Variants in SH3PXD2A observed in about 807,000 individuals in gnomAD.
SH3PXD2A encodes SH3 and PX domain-containing protein 2A.
In SH3PXD2A, 32 loss-of-function variants were observed where a neutral mutation model predicts 115.2. The observed-to-expected ratio is 0.28, with a 90% CI of 0.21 to 0.37. The LOEUF (loss-of-function observed/expected upper bound fraction) is 0.37. Ranked by LOEUF, SH3PXD2A falls within the 10% of genes least tolerant of loss-of-function variation. The probability of loss-of-function intolerance (pLI) is 1.00; values close to 1 mark genes in which losing one functional copy is unlikely to be tolerated. For missense variants in SH3PXD2A, 1,328 were observed against 1,498.7 expected (o/e 0.89, Z 1.88); for synonymous variants, 610 against 629.1 (o/e 0.97, Z 0.45).
intron 8 of SH3PXD2A, among the ~76,000 whole-genome samples, chr10:103,632,092 G>A (rs947494579): frequency 6.6e-6 from 1 of 152,018 alleles, no homozygotes; most frequent in Admixed American, 6.6e-5. Flanking sequence ...GCTTGGGCAC[G>A]GGAGGTTGAG....
chr10:103,761,846 G>A (rs1031228763), intron 3 of SH3PXD2A, among the ~76,000 whole-genome samples: 1 of 152,096 alleles, frequency 6.6e-6, no homozygotes, highest in South Asian at 2.1e-4. Flanking sequence ...AAAGACATAC[G>A]GCCCCATAGG....
At chr10:103,841,792 A>T (rs1188154307) in intron 1 of SH3PXD2A, among the ~76,000 whole-genome samples, 1 of 152,018 alleles carries the variant, frequency 6.6e-6, no homozygotes, top group African/African-American at 2.4e-5. Context: ...CTCAAAAGCC[A>T]CCTCTACAGT....
At chr10:103,631,108 T>A (rs1199011019) in intron 8 of SH3PXD2A, among the ~76,000 whole-genome samples, 2 of 152,068 alleles carry the variant, frequency 1.3e-5, no homozygotes, top group African/African-American at 2.4e-5. Context: ...CTACCAAAAA[T>A]TTTAAAATTA....
rs530260433 is a variant in SH3PXD2A, at chr10:103,636,846, T to C, written c.605-9644A>G. Among the ~76,000 whole-genome samples, 20 of 152,262 alleles carry C rather than the reference T, an allele frequency of 1.3e-4. No individual in the cohort carries two copies. In the East Asian group the frequency reaches 3.9e-3, roughly 29 times the overall value. ...CCTCCCAGCCCTGTTCAGCCCAGGA[T>C]TGAGCCCAAGGATGCTTCTTAATCC... On this transcript the variant is annotated intron_variant, in intron 8 of 14. Coordinates refer to ENST00000369774, the MANE Select transcript of SH3PXD2A (RefSeq NM_001394015.1).
At chr10:103,663,229 T>A (rs1017991223) in intron 7 of SH3PXD2A, among the ~76,000 whole-genome samples, 8 of 152,244 alleles carry the variant, frequency 5.3e-5, no homozygotes, top group Admixed American at 5.2e-4. Context: ...TATAGCCACA[T>A]TCCCCACACG....
intron 3 of SH3PXD2A, among the ~76,000 whole-genome samples, chr10:103,741,006 A>G (rs116470467): frequency 0.015 from 2,246 of 152,232 alleles, 53 homozygotes; most frequent in African/African-American, 0.05. Flanking sequence ...TTTCATACCT[A>G]TTGAGTAATT....
rs145493004 is a variant in SH3PXD2A, at chr10:103,746,319, TTTTA to T, written c.230-10515_230-10512del. Among the ~76,000 whole-genome samples, 1,353 of 152,180 alleles carry T rather than the reference TTTTA, an allele frequency of 8.9e-3. 15 individuals are homozygous for T. The highest frequency in any genetic ancestry group is 0.038 in the South Asian group (183 of 4,820). ...CCAGAACCATTTCTTTCTTTTTTAT[TTTTA>T]TTTATTTATTTATTGAGACAGGGTC... On this transcript the variant is annotated intron_variant, in intron 3 of 14. Transcript: ENST00000369774. This position sits in a 1 kb window ranked among gnomAD's most constrained non-coding sequence, Gnocchi z 4.4.
At chr10:103,717,292 G>A (rs533961218) in intron 5 of SH3PXD2A, among the ~76,000 whole-genome samples, 1 of 152,294 alleles carries the variant, frequency 6.6e-6, no homozygotes, top group African/African-American at 2.4e-5. Flanking sequence ...CACTTACTAG[G>A]TGCCAGGTCC....
chr10:103,613,403 C>A lies in SH3PXD2A; in HGVS notation c.921-213G>T, dbSNP rs2036460921. ...TTCCCACTGCCCCCCCACCATGCTC[C>A]TTTTTCTTTGCCTGATCCCTCTTGG... On this transcript the variant is annotated intron_variant, in intron 11 of 14. Coordinates refer to ENST00000369774, the MANE Select transcript of SH3PXD2A (RefSeq NM_001394015.1). Among the ~76,000 whole-genome samples, 5 of 152,232 alleles carry A rather than the reference C, an allele frequency of 3.3e-5. No individual in the cohort carries two copies. In the South Asian group the frequency reaches 1.0e-3, roughly 32 times the overall value.
intron 13 of SH3PXD2A, 88 bp from the exon 14 acceptor site, chr10:103,606,005 G>C: frequency 7.0e-7 from 1 of 1,418,684 alleles, no homozygotes; most frequent in South Asian, 1.3e-5. Context: ...AGTCCCCAGG[G>C]GGTGCGGATG....
intron 4 of SH3PXD2A, among the ~76,000 whole-genome samples, chr10:103,733,762 ATTTAT>A (rs1201967723): frequency 5.3e-5 from 8 of 152,024 alleles, no homozygotes; most frequent in South Asian, 2.1e-4. Flanking sequence ...AACATTTTTT[ATTTAT>A]TTTATTTTAT....
At position 103,603,613 on chromosome 10, in the gene SH3PXD2A, C is replaced by T. The variant is rs1383030240; in HGVS notation, c.1605G>A (p.Glu535=). The change falls in exon 15 of 15, where the codon GAG becomes GAA. Residue 535 remains glutamate (E), a synonymous_variant. Transcript: ENST00000369774. ...TCTCACTGGCCCCCGTAGGGCCCTC[C>T]TCGGCCTCCTTGGGCTTGCTGGGGG... ...PAPPSKPKEA[E]EGPTGASESQ... 2 of 1,604,312 alleles carry T rather than the reference C, an allele frequency of 1.2e-6. No homozygotes were observed. The highest frequency in any genetic ancestry group is 2.7e-5 in the African/African-American group (2 of 74,714).
At chr10:103,750,153 G>A (rs2038558211) in intron 3 of SH3PXD2A, among the ~76,000 whole-genome samples, 1 of 152,180 alleles carries the variant, frequency 6.6e-6, no homozygotes, top group African/African-American at 2.4e-5. Context: ...CCGAGCCTAA[G>A]TGATCCTCCC....
At chr10:103,854,459 C>G (rs971106809) in intron 1 of SH3PXD2A, among the ~76,000 whole-genome samples, 4 of 152,128 alleles carry the variant, frequency 2.6e-5, no homozygotes, top group African/African-American at 9.7e-5. Flanking sequence ...CAACCTTAAC[C>G]CCTTCTCATT....
intron 1 of SH3PXD2A, among the ~76,000 whole-genome samples, chr10:103,841,491 A>G (rs2134317769): frequency 6.6e-6 from 1 of 152,276 alleles, no homozygotes; most frequent in Non-Finnish European, 1.5e-5. Context: ...GTCAAACCCC[A>G]AGCAGTCCTT....
chr10:103,606,640 G>A (rs1406602009), intron 13 of SH3PXD2A, among the ~76,000 whole-genome samples: 2 of 151,886 alleles, frequency 1.3e-5, no homozygotes, highest in Admixed American at 6.6e-5. Flanking sequence ...GATTGCAGGC[G>A]CGCGCCGCCA....
In SH3PXD2A at chr10:103,855,324, C is replaced by T. The variant is rs1842930997; in HGVS notation, c.-58G>A. The T allele has an allele frequency of 1.2e-5, 17 of 1,365,270 alleles. No individual in the cohort carries two copies. Among genetic ancestry groups the T allele is most frequent in the Non-Finnish European group, 1.4e-5 (14 of 1,009,580 alleles). 84.6% of individuals were successfully genotyped at this position (1,365,270 alleles called of 1,614,324 possible). On this transcript the variant is annotated 5_prime_UTR_variant, in exon 1 of 15. Transcript: ENST00000369774. ...GCGTCACCTTCTCATCCCGGCCGGG[C>T]TCCGGCTCCTTCTCCAGCTGCCGGG...
At chr10:103,698,676 C>T (rs1372360867) in intron 5 of SH3PXD2A, among the ~76,000 whole-genome samples, 2 of 152,186 alleles carry the variant, frequency 1.3e-5, no homozygotes, top group Non-Finnish European at 2.9e-5. Context: ...TTTAAGCTCT[C>T]GCTGTAGGCA....
chr10:103,775,627 G>C (rs899252332), intron 2 of SH3PXD2A, among the ~76,000 whole-genome samples: 2 of 152,184 alleles, frequency 1.3e-5, no homozygotes, highest in Non-Finnish European at 2.9e-5. Flanking sequence ...GGAGTGATTT[G>C]CCTTGCTCAC....
Sources: gnomAD v4.1 joint callset for allele counts (sites outside exome capture counted in the v4.1 genomes callset) on GRCh38, gnomAD v4.1.1 for gene constraint, Gnocchi (gnomAD v3.1) non-coding constraint, MANE v1.5 for transcripts, NCBI Gene and HGNC (gene_info 2026-07-23, HGNC 2026-07-21) for gene names.